NR3C1: variants seen among roughly 807,000 people sequenced by gnomAD.
NR3C1 encodes the protein glucocorticoid receptor.
A neutral mutation model predicts 74.0 loss-of-function variants in NR3C1; 14 were observed. The ratio of observed to expected loss-of-function variants is 0.19; its 90% confidence interval spans 0.12 to 0.30. The LOEUF (loss-of-function observed/expected upper bound fraction) is 0.30, where lower values mean the gene tolerates loss of function less well. Among genes scored for constraint, NR3C1 ranks in the 10% least tolerant of loss-of-function variants. The pLI is 1.00. For missense variants in NR3C1, 695 were observed against 909.8 expected (o/e 0.76, Z 3.04); for synonymous variants, 308 against 332.5 (o/e 0.93, Z 0.80).
At chr5:143,333,565 T>C (rs1230389117) in intron 2 of NR3C1, among the ~76,000 whole-genome samples, 1 of 151,974 alleles carries the variant, frequency 6.6e-6, no homozygotes, top group East Asian at 1.9e-4. Flanking sequence ...GTCAGGAGAT[T>C]GAGACCATCC....
chr5:143,397,743 G>A (rs1441624894), intron 2 of NR3C1, among the ~76,000 whole-genome samples: 1 of 151,682 alleles, frequency 6.6e-6, no homozygotes, highest in Non-Finnish European at 1.5e-5. Context: ...ACCTCCATAA[G>A]GTTATGGGAC....
In NR3C1 at chr5:143,282,800, G is replaced by GAT. The variant is rs10482703; in HGVS notation, c.2024-77_2024-76dup. The GAT allele has an allele frequency of 5.6e-5, 79 of 1,407,738 alleles. 1 individual carries two copies. In the Admixed American group the frequency reaches 1.4e-3, roughly 26 times the overall value. The allele number at this position is 1,407,738 out of a possible 1,614,324, so 87.2% of individuals were successfully genotyped here. ...TTCTTTTTTTTTTTTTTTTGAGATA[G>GAT]ATAGGGTCTCACTGTGTCATCCAGG... On this transcript the variant is annotated intron_variant, in intron 7 of 8. Coordinates refer to ENST00000394464, the MANE Select transcript of NR3C1 (RefSeq NM_000176.3).
chr5:143,357,029 T>C (rs1357061003), intron 2 of NR3C1, among the ~76,000 whole-genome samples: 4 of 152,214 alleles, frequency 2.6e-5, no homozygotes, highest in Non-Finnish European at 5.9e-5. Context: ...AATTGTATAG[T>C]TTATAAACAG....
rs72542744 is a variant in NR3C1, at chr5:143,399,955, C to T, written c.885G>A (p.Glu295=). The part of the protein sequence containing the change: ...ELCTPGVIKQ[E]KLGTVYCQAS... ...CCTGACAGTAAACTGTGCCCAGTTT[C>T]TCTTGCTTAATTACCCCAGGGGTGC... The change falls in exon 2 of 9, where the codon GAG becomes GAA. Residue 295 remains glutamate (E), a synonymous_variant. Coordinates refer to ENST00000394464, the MANE Select transcript of NR3C1 (RefSeq NM_000176.3). 7.4e-6 allele frequency: 12 copies of T among 1,614,052 alleles called. No homozygotes were observed. The Admixed American group carries it at 2.0e-4, about 27-fold the overall frequency.
In NR3C1 at chr5:143,372,624, AG is replaced by A. The variant is rs369954752; in HGVS notation, c.1184+27031del. On this transcript the variant is annotated intron_variant, in intron 2 of 8. Coordinates refer to ENST00000394464, the MANE Select transcript of NR3C1 (RefSeq NM_000176.3). ...TGCATAAATTTTGAAATCCTTTGCA[AG>A]GGTTCCCTGTGTTTTATCACAGCTG... is the stretch of plus-strand genomic sequence containing the variant. 2.2e-3 allele frequency among the ~76,000 whole-genome samples: 328 copies of A among 152,324 alleles called. 2 individuals carry two copies. The Middle Eastern group carries it at 0.027, about 13-fold the overall frequency.
At chr5:143,341,752 A>G (rs1405703615) in intron 2 of NR3C1, among the ~76,000 whole-genome samples, 4 of 152,342 alleles carry the variant, frequency 2.6e-5, no homozygotes, top group African/African-American at 9.6e-5. Context: ...AATTTTGGGG[A>G]AAGAAAAGAC....
chr5:143,294,148 A>G, intron 7 of NR3C1: 1 of 985,210 alleles, frequency 1.0e-6, no homozygotes, highest in Non-Finnish European at 1.2e-6. Flanking sequence ...TGCGCTTTGG[A>G]AATGTTTAAA....
At position 143,282,565 on chromosome 5, in the gene NR3C1, T is replaced by C. The variant is rs1813347305; in HGVS notation, c.2181+3A>G. ...TATATTTGGCTTTATGTTTGACACT[T>C]ACTTCATGCATAGAATCCAAGAGTT... On this transcript the variant is annotated splice_donor_region_variant and intron_variant, in intron 8 of 8. Coordinates refer to ENST00000394464, the MANE Select transcript of NR3C1 (RefSeq NM_000176.3). The C allele has an allele frequency of 8.7e-6, 14 of 1,613,748 alleles. No homozygotes were observed. The highest frequency in any genetic ancestry group is 1.2e-5 in the Non-Finnish European group (14 of 1,179,780).
At chr5:143,330,016 T>C (rs1825641076) in intron 2 of NR3C1, among the ~76,000 whole-genome samples, 1 of 152,232 alleles carries the variant, frequency 6.6e-6, no homozygotes, top group Non-Finnish European at 1.5e-5. Flanking sequence ...CAGAGTGATG[T>C]GCCAAGTAAA....
rs1414424533 is a variant in NR3C1, at chr5:143,280,472, ATATGT to A, written c.*1412_*1416del. 1 of 152,576 alleles carries A rather than the reference ATATGT, an allele frequency of 6.6e-6. No homozygotes were observed. The highest frequency in any genetic ancestry group is 6.5e-5 in the Admixed American group (1 of 15,272). 9.5% of individuals were successfully genotyped at this position (152,576 alleles called of 1,614,324 possible). A position where few individuals can be genotyped will look rare whatever the true frequency, so the allele number is the denominator to read the frequency against. ...AATCAAATTTCTTGTGGCTTAGTAA[ATATGT>A]TAAGTTTTGAGTTTACAGAAAGTTG... On this transcript the variant is annotated 3_prime_UTR_variant, in exon 9 of 9. Transcript: ENST00000394464.
chr5:143,298,179 TAAACA>T (rs1037327705), intron 6 of NR3C1, among the ~76,000 whole-genome samples: 11 of 152,328 alleles, frequency 7.2e-5, no homozygotes, highest in African/African-American at 2.6e-4. Context: ...TTCTCTCAGT[TAAACA>T]AAACAAATTT....
intron 2 of NR3C1, among the ~76,000 whole-genome samples, chr5:143,367,390 C>T (rs527728860): frequency 6.6e-6 from 1 of 152,260 alleles, no homozygotes; most frequent in South Asian, 2.1e-4. Context: ...CAACACTGCA[C>T]TGGAGGTTCT....
chr5:143,399,413 T>A (rs1217643681), intron 2 of NR3C1, among the ~76,000 whole-genome samples: 1 of 152,192 alleles, frequency 6.6e-6, no homozygotes. Context: ...AAATGTTAAA[T>A]AAAATCCTCA....
chr5:143,405,793 C>T (rs186350314), upstream of NR3C1, among the ~76,000 whole-genome samples: 1 of 152,282 alleles, frequency 6.6e-6, no homozygotes, highest in African/African-American at 2.4e-5. Context: ...AGGCAGACTC[C>T]GCTTCTCCTG....
At chr5:143,349,467 C>T (rs930571997) in intron 2 of NR3C1, among the ~76,000 whole-genome samples, 2 of 152,126 alleles carry the variant, frequency 1.3e-5, no homozygotes, top group Admixed American at 1.3e-4. Context: ...TGGCTCTCTT[C>T]CTCTCCAACT....
intron 4 of NR3C1, among the ~76,000 whole-genome samples, chr5:143,305,925 T>C (rs1182302158): frequency 3.3e-5 from 5 of 152,314 alleles, no homozygotes; most frequent in East Asian, 1.9e-4. Context: ...GATTGGGTTT[T>C]TGAACTTAAA....
intron 1 of NR3C1, chr5:143,402,867 G>C: frequency 2.1e-6 from 2 of 975,354 alleles, no homozygotes; most frequent in Non-Finnish European, 2.4e-6. Context: ...CCCCCTTGGA[G>C]GGAAAGGGGA....
rs1839999166 is a variant in NR3C1, at chr5:143,400,180, A to G, written c.660T>C (p.Asp220=). The change falls in exon 2 of 9, where the codon GAT becomes GAC. Residue 220 remains aspartate (D), a synonymous_variant. Transcript: ENST00000394464. ...ESPWRSDLLI[D]ENCLLSPLAG... is the part of the protein sequence containing the mutation. ...CCAGAGGAGAAAGCAAACAGTTTTC[A>G]TCTATCAACAGGTCTGATCTCCAAG... is the stretch of plus-strand genomic sequence containing the variant. 6.2e-7 allele frequency: 1 copy of G among 1,613,856 alleles called. No homozygotes were observed. Among genetic ancestry groups the G allele is most frequent in the African/African-American group, 1.3e-5 (1 of 74,872 alleles).
intron 2 of NR3C1, among the ~76,000 whole-genome samples, chr5:143,377,485 A>G (rs1268687509): frequency 6.6e-6 from 1 of 152,236 alleles, no homozygotes; most frequent in African/African-American, 2.4e-5. Context: ...CTCCTGGTAT[A>G]TTCTTCAGCA....
Sources: gnomAD v4.1 joint callset for allele counts (sites outside exome capture counted in the v4.1 genomes callset) on GRCh38, gnomAD v4.1.1 for gene constraint, MANE v1.5 for transcripts, NCBI Gene and HGNC (gene_info 2026-07-23, HGNC 2026-07-21) for gene names.